The following ATF1 variants were observed in gnomAD, a reference collection of about 807,000 sequenced individuals.
ATF1 encodes cyclic AMP-dependent transcription factor ATF-1.
A neutral mutation model predicts 34.7 loss-of-function variants in ATF1; 16 were observed. That is an observed-to-expected ratio of 0.46 (90% CI 0.31 to 0.70). ATF1 has a LOEUF of 0.70. ATF1 is among the 30% of genes least tolerant of loss of function. ATF1 has a pLI of 0.05. For synonymous variants in ATF1, 105 were observed against 113.1 expected (o/e 0.93, Z 0.46); for missense variants, 255 against 321.6 (o/e 0.79, Z 1.58).
chr12:50,784,397 T>C (rs1454604838), intron 2 of ATF1, among the ~76,000 whole-genome samples: 1 of 152,094 alleles, frequency 6.6e-6, no homozygotes, highest in African/African-American at 2.4e-5. Context: ...TTATACAAGG[T>C]AGACAGAGAC....
At chr12:50,810,990 C>T (rs1003067546) in intron 4 of ATF1, among the ~76,000 whole-genome samples, 16 of 152,190 alleles carry the variant, frequency 1.1e-4, no homozygotes, top group Admixed American at 8.5e-4. Flanking sequence ...CAAGGCATTA[C>T]ATTTAGGATC....
intron 1 of ATF1, among the ~76,000 whole-genome samples, chr12:50,775,908 T>C (rs1167985375): frequency 6.6e-6 from 1 of 151,908 alleles, no homozygotes; most frequent in Non-Finnish European, 1.5e-5. Flanking sequence ...TAAAAAGCAC[T>C]GAATTGGCCA....
intron 6 of ATF1, among the ~76,000 whole-genome samples, chr12:50,815,079 G>A (rs370453214): frequency 3.9e-5 from 6 of 151,942 alleles, no homozygotes; most frequent in East Asian, 3.9e-4. Flanking sequence ...CTGAGATTGC[G>A]CCACTGCACT....
At chr12:50,775,661 GAGTC>G (rs1565900682) in intron 1 of ATF1, 1 of 152,358 alleles carries the variant, frequency 6.6e-6, no homozygotes, top group Non-Finnish European at 1.5e-5. Flanking sequence ...AAAAATCAGT[GAGTC>G]AGAGCAAAAC....
intron 2 of ATF1, among the ~76,000 whole-genome samples, chr12:50,781,907 C>G (rs7487150): frequency 0.62 from 84,955 of 137,396 alleles, 25,753 homozygotes; most frequent in South Asian, 0.71. Flanking sequence ...AGAGTGAGAC[C>G]CTATCTCCAA....
chr12:50,797,467 T>G (rs977024064), intron 3 of ATF1, among the ~76,000 whole-genome samples: 1 of 152,114 alleles, frequency 6.6e-6, no homozygotes. Context: ...AATCCTTATT[T>G]TTATCTTTAA....
chr12:50,770,828 C>T (rs780948002), intron 1 of ATF1, among the ~76,000 whole-genome samples: 2 of 152,112 alleles, frequency 1.3e-5, no homozygotes, highest in African/African-American at 2.4e-5. Context: ...AATTGTTGCT[C>T]AGAAGAAATA....
chr12:50,797,975 C>T (rs903515145), intron 3 of ATF1, among the ~76,000 whole-genome samples: 4 of 151,684 alleles, frequency 2.6e-5, no homozygotes, highest in East Asian at 2.0e-4. Flanking sequence ...GTCAGGAGTT[C>T]GAAACGAGCC....
chr12:50,804,826 T>TC (rs990404625), intron 3 of ATF1, among the ~76,000 whole-genome samples: 1 of 150,334 alleles, frequency 6.7e-6, no homozygotes, highest in East Asian at 1.9e-4. Flanking sequence ...TTTTTTTTTT[T>TC]CCCGAGACGG....
At chr12:50,794,980 AAAAT>A (rs1325940687) in intron 2 of ATF1, among the ~76,000 whole-genome samples, 3 of 152,240 alleles carry the variant, frequency 2.0e-5, no homozygotes, top group Non-Finnish European at 4.4e-5. Flanking sequence ...TCTCAATTGT[AAAAT>A]ATTGCTATAA....
In ATF1 at chr12:50,820,343, A is replaced by AT. The variant is rs1941926294; in HGVS notation, c.*569dup. 2 of 189,720 alleles carry AT rather than the reference A, an allele frequency of 1.1e-5. No homozygotes were observed. Among genetic ancestry groups the AT allele is most frequent in the Admixed American group, 6.2e-5 (1 of 16,244 alleles). The allele number at this position is 189,720 out of a possible 1,614,324, so 11.8% of individuals were successfully genotyped here. On this transcript the variant is annotated 3_prime_UTR_variant, in exon 7 of 7. Transcript: ENST00000262053. ...AAAGTTTGTTATTGGACTTGAATGG[A>AT]TTTTTGAGACTAGGTTAATTATTTT...
At chr12:50,809,192 G>A (rs1305175979) in intron 3 of ATF1, among the ~76,000 whole-genome samples, 2 of 151,878 alleles carry the variant, frequency 1.3e-5, no homozygotes, top group Admixed American at 6.6e-5. Context: ...TGGCCAACAT[G>A]GTGAAACCCC....
At chr12:50,779,002 T>C (rs909556122) in intron 1 of ATF1, among the ~76,000 whole-genome samples, 3 of 152,220 alleles carry the variant, frequency 2.0e-5, no homozygotes, top group Non-Finnish European at 4.4e-5. Context: ...GTCAAGTTAG[T>C]GGAATCATAA....
At chr12:50,806,397 C>A in intron 3 of ATF1, 1 of 503,338 alleles carries the variant, frequency 2.0e-6, no homozygotes, top group Non-Finnish European at 4.1e-6. Flanking sequence ...TGACAGTTAT[C>A]AGCAGGATGC....
At chr12:50,774,896 C>T (rs1417525978) in intron 1 of ATF1, among the ~76,000 whole-genome samples, 4 of 151,342 alleles carry the variant, frequency 2.6e-5, no homozygotes, top group African/African-American at 7.3e-5. Context: ...TACAGGCGCC[C>T]GCCACCACGC....
chr12:50,768,460 G>A (rs1233379665), intron 1 of ATF1, among the ~76,000 whole-genome samples: 1 of 152,148 alleles, frequency 6.6e-6, no homozygotes, highest in Non-Finnish European at 1.5e-5. Context: ...TGGACTCCTT[G>A]GGAAAAACAA....
intron 1 of ATF1, among the ~76,000 whole-genome samples, chr12:50,766,643 C>T (rs1292868719): frequency 6.6e-6 from 1 of 151,010 alleles, no homozygotes. Context: ...TCTCCCAATG[C>T]TATCCCTCCC....
At chr12:50,790,037 A>G (rs1941268128) in intron 2 of ATF1, among the ~76,000 whole-genome samples, 1 of 152,122 alleles carries the variant, frequency 6.6e-6, no homozygotes, top group African/African-American at 2.4e-5. Flanking sequence ...CCTTTGAGGA[A>G]TGATGGCCCT....
At chr12:50,769,197 A>G (rs1940711809) in intron 1 of ATF1, among the ~76,000 whole-genome samples, 1 of 152,172 alleles carries the variant, frequency 6.6e-6, no homozygotes, top group Admixed American at 6.6e-5. Flanking sequence ...TTTTTTGGCT[A>G]AAGAGTTAAA....
Sources: allele counts gnomAD v4.1 joint callset (sites outside exome capture counted in the v4.1 genomes callset), GRCh38; gene constraint gnomAD v4.1.1; transcripts MANE v1.5; gene names NCBI Gene and HGNC (gene_info 2026-07-23, HGNC 2026-07-21).